CDC42BPA: variants seen among roughly 807,000 people sequenced by gnomAD.
CDC42BPA encodes CDC42 binding protein kinase alpha.
CDC42BPA carries 80 observed loss-of-function variants against 223.5 expected under a neutral mutation model. That is an observed-to-expected ratio of 0.36 (90% CI 0.30 to 0.43). CDC42BPA has a LOEUF of 0.43. CDC42BPA is among the 20% of genes least tolerant of loss of function. CDC42BPA has a pLI of 1.00. For synonymous variants in CDC42BPA, 694 were observed against 718.6 expected (o/e 0.97, Z 0.55); for missense variants, 1,743 against 2,099.9 (o/e 0.83, Z 3.32).
chr1:227,023,282 A>G lies in CDC42BPA; in HGVS notation c.4596T>C (p.Tyr1532=), dbSNP rs1250720335. The G allele has an allele frequency of 1.4e-6, 2 of 1,471,824 alleles. No homozygotes were observed. Among genetic ancestry groups the G allele is most frequent in the East Asian group, 2.3e-5 (1 of 43,634 alleles). The allele number at this position is 1,471,824 out of a possible 1,614,324, so 91.2% of individuals were successfully genotyped here. Residue 1532 remains tyrosine (Y), a synonymous_variant, in exon 32 of 37, where the codon TAT becomes TAC. Coordinates refer to ENST00000366766, the MANE Select transcript of CDC42BPA (RefSeq NM_001394014.1). ...LLGLETIRLI[Y]FKNKMAEGDE... ...TCTTACCTGCCATCTTATTTTTGAA[A>G]TATATTAATCTAATGGTCTCCAACC...
At chr1:227,139,808 T>G (rs1051695637) in intron 9 of CDC42BPA, 66 bp from the exon 10 acceptor site, 13 of 1,067,058 alleles carry the variant, frequency 1.2e-5, no homozygotes, top group Middle Eastern at 2.2e-4. Flanking sequence ...AACGTTAACA[T>G]TTTTTAAAAA....
At chr1:227,153,123 A>T (rs1271246197) in intron 6 of CDC42BPA, among the ~76,000 whole-genome samples, 6 of 152,020 alleles carry the variant, frequency 3.9e-5, no homozygotes, top group Non-Finnish European at 7.4e-5. Flanking sequence ...AAGGATTTTT[A>T]AAAAACGAAT....
intron 1 of CDC42BPA, among the ~76,000 whole-genome samples, chr1:227,276,897 A>G (rs2148527602): frequency 6.6e-6 from 1 of 152,154 alleles, no homozygotes; most frequent in Admixed American, 6.5e-5. Flanking sequence ...AAGAGTCATC[A>G]CCACTCCCTA....
chr1:227,133,060 C>T (rs1657592871), intron 10 of CDC42BPA, among the ~76,000 whole-genome samples: 2 of 150,662 alleles, frequency 1.3e-5, no homozygotes, highest in South Asian at 4.2e-4. Flanking sequence ...CCCCACCAGG[C>T]CAGCCGCCCC....
Position 227,098,270 on chromosome 1 carries a change from AT to A in CDC42BPA, c.2249+2721del, listed in dbSNP as rs201040002. ...GTACCCCAAGGCTCAGTTCTAAGAAATTTTTTTCTATCTATATCCATTCACT... is the reference window on the plus strand; with the variant it reads ...GTACCCCAAGGCTCAGTTCTAAGAAATTTTTTCTATCTATATCCATTCACT... On this transcript the variant is annotated intron_variant, in intron 15 of 36. Transcript: ENST00000366766. Among the ~76,000 whole-genome samples the A allele has an allele frequency of 8.4e-4, 124 of 148,400 alleles. 3 individuals carry two copies. The East Asian group carries it at 0.025, about 29-fold the overall frequency.
chr1:227,261,917 T>C (rs1354588996), intron 1 of CDC42BPA, among the ~76,000 whole-genome samples: 1 of 152,164 alleles, frequency 6.6e-6, no homozygotes, highest in Non-Finnish European at 1.5e-5. Flanking sequence ...ATACTGCCCA[T>C]GTGGTAAAGA....
At chr1:227,005,143 G>A (rs762264817) in intron 34 of CDC42BPA, 32 bp from the exon 35 acceptor site, 5 of 1,462,480 alleles carry the variant, frequency 3.4e-6, no homozygotes, top group Non-Finnish European at 3.8e-6. Flanking sequence ...ACATCCTTTA[G>A]CCAGAAAGAA....
At chr1:227,027,393 A>C (rs1668468000) in intron 30 of CDC42BPA, among the ~76,000 whole-genome samples, 1 of 152,046 alleles carries the variant, frequency 6.6e-6, no homozygotes, top group South Asian at 2.1e-4. Context: ...TCCTCCTCCT[A>C]CCTTGTTACA....
chr1:227,275,649 C>A (rs1219314883), intron 1 of CDC42BPA, among the ~76,000 whole-genome samples: 1 of 144,178 alleles, frequency 6.9e-6, no homozygotes, highest in Non-Finnish European at 1.5e-5. Context: ...CCCTCTGATG[C>A]CAAGCGGAGG....
intron 28 of CDC42BPA, among the ~76,000 whole-genome samples, chr1:227,030,791 T>C (rs1176944126): frequency 6.6e-6 from 1 of 152,200 alleles, no homozygotes; most frequent in Non-Finnish European, 1.5e-5. Flanking sequence ...ACCATACTCA[T>C]TGAACTTTTC....
intron 10 of CDC42BPA, among the ~76,000 whole-genome samples, chr1:227,134,179 A>G (rs1658020923): frequency 1.3e-5 from 2 of 151,892 alleles, no homozygotes; most frequent in South Asian, 4.2e-4. Flanking sequence ...TTTCTTACTT[A>G]CCCTGGTTAG....
At chr1:227,145,242 T>C (rs1445296067) in intron 8 of CDC42BPA, among the ~76,000 whole-genome samples, 3 of 152,196 alleles carry the variant, frequency 2.0e-5, no homozygotes, top group East Asian at 1.9e-4. Context: ...CTTAATGGCA[T>C]AACTTATCTA....
At chr1:227,097,261 C>G (rs1684177823) in intron 15 of CDC42BPA, among the ~76,000 whole-genome samples, 1 of 152,132 alleles carries the variant, frequency 6.6e-6, no homozygotes, top group Non-Finnish European at 1.5e-5. Context: ...CTCTTTTGAT[C>G]CTACTGTGGG....
At chr1:226,995,536 G>A (rs759464365) in intron 35 of CDC42BPA, among the ~76,000 whole-genome samples, 2 of 152,090 alleles carry the variant, frequency 1.3e-5, no homozygotes, top group African/African-American at 2.4e-5. Flanking sequence ...AAGAAATATC[G>A]CTTATCTTCT....
intron 16 of CDC42BPA, among the ~76,000 whole-genome samples, chr1:227,090,665 G>C (rs1206195134): frequency 6.6e-6 from 1 of 152,058 alleles, no homozygotes; most frequent in African/African-American, 2.4e-5. Context: ...ACAAACATTA[G>C]CTGGGTGTGG....
intron 1 of CDC42BPA, among the ~76,000 whole-genome samples, chr1:227,266,078 C>A (rs1319607396): frequency 5.3e-5 from 8 of 152,216 alleles, no homozygotes; most frequent in East Asian, 1.9e-4. Context: ...CCTTCTTCCT[C>A]ATTGACAGAC....
intron 6 of CDC42BPA, among the ~76,000 whole-genome samples, chr1:227,153,794 G>A (rs1002706476): frequency 1.4e-4 from 22 of 151,878 alleles, no homozygotes; most frequent in African/African-American, 5.3e-4. Flanking sequence ...ACTTCACCCA[G>A]GCTAAGGTGA....
intron 1 of CDC42BPA, among the ~76,000 whole-genome samples, chr1:227,298,261 T>C (rs1376897040): frequency 6.6e-6 from 1 of 151,608 alleles, no homozygotes; most frequent in Non-Finnish European, 1.5e-5. Context: ...ATCCAAGAAA[T>C]ATACACAAAC....
At chr1:227,032,617 C>T (rs112232834) in intron 27 of CDC42BPA, among the ~76,000 whole-genome samples, 2,700 of 152,242 alleles carry the variant, frequency 0.018, 37 homozygotes, top group Non-Finnish European at 0.025. Flanking sequence ...CTTTGACCAA[C>T]AGAATGCAGA....
Sources: allele counts gnomAD v4.1 joint callset (sites outside exome capture counted in the v4.1 genomes callset), GRCh38; gene constraint gnomAD v4.1.1; transcripts MANE v1.5; gene names NCBI Gene and HGNC (gene_info 2026-07-23, HGNC 2026-07-21).